Variants in MAPK10 observed in about 807,000 individuals in gnomAD.
MAPK10 encodes the protein JNK3 alpha protein kinase.
Under a neutral mutation model 59.3 loss-of-function variants are expected in MAPK10, and 25 were observed. The ratio of observed to expected loss-of-function variants is 0.42; its 90% CI spans 0.31 to 0.59. The LOEUF is 0.59. MAPK10 is among the 20% of genes least tolerant of loss of function. The pLI, the probability that MAPK10 is intolerant of heterozygous loss-of-function variation, is 0.15. For missense variants in MAPK10, 351 were observed against 568.9 expected (o/e 0.62, Z 3.90); for synonymous variants, 190 against 200.5 (o/e 0.95, Z 0.44).
intron 2 of MAPK10, among the ~76,000 whole-genome samples, chr4:86,238,166 G>GC (rs2092425934): frequency 2.0e-5 from 3 of 152,026 alleles, no homozygotes; most frequent in Non-Finnish European, 2.9e-5. Context: ...GGTGTGTAGT[G>GC]TTATTTTCTG....
chr4:86,497,391 T>G (rs1191681882), intron 1 of MAPK10, among the ~76,000 whole-genome samples: 1 of 152,178 alleles, frequency 6.6e-6, no homozygotes, highest in Non-Finnish European at 1.5e-5. Context: ...AAACCTATCC[T>G]CAGGCTCCTT....
intron 1 of MAPK10, among the ~76,000 whole-genome samples, chr4:86,554,611 T>A (rs916260236): frequency 1.3e-5 from 2 of 152,196 alleles, no homozygotes; most frequent in Non-Finnish European, 2.9e-5. Flanking sequence ...CAGCCACTAA[T>A]TCAATTCAGG....
At chr4:86,198,399 C>A (rs749489435) in intron 2 of MAPK10, among the ~76,000 whole-genome samples, 44 of 152,090 alleles carry the variant, frequency 2.9e-4, no homozygotes, top group Admixed American at 2.3e-3. Context: ...GAGGAACTGA[C>A]ATGAGTTCTG....
intron 1 of MAPK10, among the ~76,000 whole-genome samples, chr4:86,428,359 A>G (rs1253953980): frequency 1.3e-5 from 2 of 152,106 alleles, no homozygotes; most frequent in East Asian, 3.9e-4. Context: ...AGGTTTCACC[A>G]TGTTGCCCAG....
intron 1 of MAPK10, among the ~76,000 whole-genome samples, chr4:86,423,042 C>T (rs1321825819): frequency 1.3e-5 from 2 of 152,170 alleles, no homozygotes; most frequent in Non-Finnish European, 2.9e-5. Context: ...CCTGAACCCT[C>T]ACTTCATGCA....
intron 9 of MAPK10, chr4:86,080,959 G>C (rs367699205): frequency 1.4e-4 from 22 of 152,074 alleles, no homozygotes; most frequent in African/African-American, 4.8e-4. Context: ...TGCATTAAGA[G>C]TCAAGATAAT....
chr4:86,355,847 T>C (rs1055730379), intron 1 of MAPK10, among the ~76,000 whole-genome samples: 6 of 152,198 alleles, frequency 3.9e-5, no homozygotes, highest in Non-Finnish European at 5.9e-5. Context: ...TCCTTCACTA[T>C]CAATGCTTTC....
At chr4:86,299,430 A>G (rs62305545) in intron 2 of MAPK10, among the ~76,000 whole-genome samples, 7,181 of 152,256 alleles carry the variant, frequency 0.047, 244 homozygotes, top group Non-Finnish European at 0.068. Context: ...TGCCCTTATA[A>G]CAGAGTCTGG....
chr4:86,488,548 GA>G (rs1241180084), intron 1 of MAPK10, among the ~76,000 whole-genome samples: 1 of 152,140 alleles, frequency 6.6e-6, no homozygotes, highest in Non-Finnish European at 1.5e-5. Flanking sequence ...ATTTTCTTAT[GA>G]TATGTATCCT....
intron 2 of MAPK10, among the ~76,000 whole-genome samples, chr4:86,295,637 T>C (rs1236444250): frequency 6.6e-6 from 1 of 151,410 alleles, no homozygotes; most frequent in African/African-American, 2.4e-5. Flanking sequence ...TCTACTATGA[T>C]ACAAAAGAAA....
At chr4:86,124,160 A>T (rs1284082206) in intron 4 of MAPK10, 2 of 152,048 alleles carry the variant, frequency 1.3e-5, no homozygotes, top group Non-Finnish European at 1.5e-5. Flanking sequence ...CACTAAAAAC[A>T]GTATTCTTAT....
chr4:86,350,219 T>C (rs1318574724), intron 2 of MAPK10, among the ~76,000 whole-genome samples: 2 of 139,760 alleles, frequency 1.4e-5, no homozygotes, highest in Admixed American at 1.4e-4. Context: ...GTCCAGATAA[T>C]TTTTTTTTTT....
chr4:86,106,492 T>G (rs2149082950), intron 5 of MAPK10, among the ~76,000 whole-genome samples: 1 of 149,906 alleles, frequency 6.7e-6, no homozygotes, highest in Admixed American at 6.6e-5. Context: ...TATTTATTAA[T>G]AAAAGTTATT....
chr4:86,255,999 A>G (rs2093691667), intron 2 of MAPK10, among the ~76,000 whole-genome samples: 1 of 152,216 alleles, frequency 6.6e-6, no homozygotes, highest in South Asian at 2.1e-4. Context: ...AGAGAAAACA[A>G]ATGGAAAGGA....
chr4:86,135,042 AG>A (rs1562142979), intron 4 of MAPK10, among the ~76,000 whole-genome samples: 1 of 152,160 alleles, frequency 6.6e-6, no homozygotes, highest in Non-Finnish European at 1.5e-5. Flanking sequence ...CCTATGCCCA[AG>A]GAGTCTTGCT....
chr4:86,360,279 T>G (rs1342820317), upstream of MAPK10: 3 of 835,794 alleles, frequency 3.6e-6, no homozygotes, highest in Non-Finnish European at 4.3e-6. Context: ...CATCAGCAAC[T>G]ACGACATCAA....
intron 2 of MAPK10, among the ~76,000 whole-genome samples, chr4:86,250,373 AGACT>A (rs2093349507): frequency 1.3e-5 from 2 of 152,190 alleles, no homozygotes; most frequent in Non-Finnish European, 2.9e-5. Context: ...CATCCCAGAC[AGACT>A]TACTCTATTC....
At chr4:86,251,245 T>C (rs914798099) in intron 2 of MAPK10, among the ~76,000 whole-genome samples, 2 of 152,040 alleles carry the variant, frequency 1.3e-5, no homozygotes, top group African/African-American at 4.8e-5. Flanking sequence ...TACATATGTA[T>C]ACATGTGCCA....
At chr4:86,250,901 G>GT (rs1412665930) in intron 2 of MAPK10, among the ~76,000 whole-genome samples, 1 of 152,156 alleles carries the variant, frequency 6.6e-6, no homozygotes, top group Non-Finnish European at 1.5e-5. Flanking sequence ...AGCCAATGTT[G>GT]TAACAGTTGA....
Sources: gnomAD v4.1 joint callset for allele counts (sites outside exome capture counted in the v4.1 genomes callset) on GRCh38, gnomAD v4.1.1 for gene constraint, MANE v1.5 for transcripts, NCBI Gene and HGNC (gene_info 2026-07-23, HGNC 2026-07-21) for gene names.